Variants in PCDH15 observed in about 807,000 individuals in gnomAD.
PCDH15 encodes the protein protocadherin-15.
A neutral mutation model predicts 178.5 loss-of-function variants in PCDH15; 129 were observed. The observed-to-expected ratio is 0.72, with a 90% confidence interval of 0.63 to 0.84. The LOEUF (loss-of-function observed/expected upper bound fraction) is 0.84, where lower values mean the gene tolerates loss of function less well. PCDH15 is among the 40% of genes least tolerant of loss of function. The pLI, the probability that PCDH15 is intolerant of heterozygous loss-of-function variation, is 0.00. For missense variants in PCDH15, 2,230 were observed against 2,099.9 expected (o/e 1.06, Z -1.21); for synonymous variants, 800 against 732.0 (o/e 1.09, Z -1.50).
chr10:53,806,023 G>T lies in PCDH15; in HGVS notation c.*556C>A, dbSNP rs1218200177. The T allele has an allele frequency of 6.7e-6, 1 of 149,704 alleles. No individual in the cohort carries two copies. Among genetic ancestry groups the T allele is most frequent in the Non-Finnish European group, 1.5e-5 (1 of 68,398 alleles). The allele number at this position is 149,704 out of a possible 1,614,324, so 9.3% of individuals were successfully genotyped here. A position where few individuals can be genotyped will look rare whatever the true frequency, so the allele number is the denominator to read the frequency against. On this transcript the variant is annotated 3_prime_UTR_variant, in exon 38 of 38. Coordinates refer to ENST00000644397, the MANE Select transcript of PCDH15 (RefSeq NM_001384140.1). The stretch of plus-strand genomic sequence containing the variant: ...ACCTTTATACAGGACAATAAAGAAA[G>T]AAAACAAGCTCATGATTTAAAATAA...
At chr10:55,256,751 C>T (rs569920121) in intron 1 of PCDH15, among the ~76,000 whole-genome samples, 46 of 152,304 alleles carry the variant, frequency 3.0e-4, no homozygotes, top group African/African-American at 9.1e-4. Flanking sequence ...TGGAGCCCAC[C>T]GCAGCTCAAG....
At chr10:54,244,628 A>G (rs759802857) in intron 8 of PCDH15, among the ~76,000 whole-genome samples, 20 of 152,222 alleles carry the variant, frequency 1.3e-4, no homozygotes, top group Non-Finnish European at 2.1e-4. Flanking sequence ...TAAGGAGGAT[A>G]CATAGATCAC....
At chr10:54,209,290 C>T (rs567427641) in intron 10 of PCDH15, among the ~76,000 whole-genome samples, 43 of 152,132 alleles carry the variant, frequency 2.8e-4, no homozygotes, top group African/African-American at 9.9e-4. Flanking sequence ...TTTAGCGATA[C>T]TCTGTTGGCA....
intron 2 of PCDH15, among the ~76,000 whole-genome samples, chr10:55,031,977 A>C (rs553738077): frequency 6.6e-5 from 10 of 152,310 alleles, no homozygotes; most frequent in African/African-American, 2.4e-4. Context: ...TGTGGAAGCA[A>C]GCTTTGGAAC....
At chr10:54,092,042 CTCCTT>C (rs1565236035) in intron 15 of PCDH15, among the ~76,000 whole-genome samples, 3 of 152,136 alleles carry the variant, frequency 2.0e-5, no homozygotes, top group African/African-American at 7.2e-5. Context: ...AAATCTAGAT[CTCCTT>C]TCCATCTTGA....
At chr10:55,599,769 C>T in intron 2 of PCDH15, 1 of 425,818 alleles carries the variant, frequency 2.3e-6, no homozygotes, top group South Asian at 7.8e-5. Flanking sequence ...ATCTCTCTAC[C>T]AAAAACATCA....
chr10:54,001,503 TTAAA>T (rs2092133610), intron 20 of PCDH15, among the ~76,000 whole-genome samples: 1 of 152,052 alleles, frequency 6.6e-6, no homozygotes, highest in South Asian at 2.1e-4. Context: ...TGTTATCAGC[TTAAA>T]TAAAGGGTTG....
intron 26 of PCDH15, among the ~76,000 whole-genome samples, chr10:53,880,845 A>C (rs2080656615): frequency 6.6e-6 from 1 of 152,128 alleles, no homozygotes; most frequent in Admixed American, 6.5e-5. Flanking sequence ...TGGGACAATA[A>C]GATCTGTCTC....
intron 2 of PCDH15, among the ~76,000 whole-genome samples, chr10:55,148,172 T>C (rs1167096686): frequency 6.6e-6 from 1 of 151,902 alleles, no homozygotes; most frequent in African/African-American, 2.4e-5. Flanking sequence ...ATATCCCCTG[T>C]TTCTTGTACT....
At chr10:55,117,189 C>T (rs112014880) in intron 2 of PCDH15, among the ~76,000 whole-genome samples, 140 of 152,184 alleles carry the variant, frequency 9.2e-4, no homozygotes, top group African/African-American at 3.1e-3. Context: ...AAGAACCTAG[C>T]GATGGGTGAA....
intron 2 of PCDH15, among the ~76,000 whole-genome samples, chr10:55,504,313 AAT>A (rs1840716966): frequency 6.6e-6 from 1 of 151,460 alleles, no homozygotes; most frequent in Non-Finnish European, 1.5e-5. Context: ...TTTTGCTATA[AAT>A]CTAAAACTGC....
chr10:55,473,333 TAA>T (rs1255950499), intron 2 of PCDH15, among the ~76,000 whole-genome samples: 1 of 143,422 alleles, frequency 7.0e-6, no homozygotes, highest in Non-Finnish European at 1.5e-5. Flanking sequence ...ATAGGGTATA[TAA>T]AAAAAAAAAG....
intron 3 of PCDH15, among the ~76,000 whole-genome samples, chr10:54,448,738 A>C (rs1391220347): frequency 6.6e-6 from 1 of 151,752 alleles, no homozygotes; most frequent in East Asian, 1.9e-4. Flanking sequence ...GAACAGTAAT[A>C]ATCTTTTCAT....
intron 19 of PCDH15, among the ~76,000 whole-genome samples, chr10:54,021,012 A>T (rs2092904827): frequency 6.6e-6 from 1 of 152,078 alleles, no homozygotes; most frequent in Non-Finnish European, 1.5e-5. Flanking sequence ...AGTTACGCAC[A>T]AGGTGCTGTA....
chr10:54,465,516 T>C (rs1655565903), intron 3 of PCDH15, among the ~76,000 whole-genome samples: 1 of 152,076 alleles, frequency 6.6e-6, no homozygotes, highest in African/African-American at 2.4e-5. Context: ...GCCTGATTTA[T>C]TTCATGTAAC....
intron 20 of PCDH15, among the ~76,000 whole-genome samples, chr10:54,014,493 A>C (rs2660143): frequency 0.76 from 115,258 of 152,014 alleles, 43,928 homozygotes; most frequent in Middle Eastern, 0.86. Context: ...AATATCTTTG[A>C]TGAACACAGA....
intron 2 of PCDH15, among the ~76,000 whole-genome samples, chr10:55,112,122 T>C (rs1431066580): frequency 3.3e-5 from 5 of 152,164 alleles, no homozygotes; most frequent in Non-Finnish European, 7.4e-5. Context: ...ACTATTGATA[T>C]ATTTCATTGG....
chr10:54,874,207 G>A (rs537030066), intron 3 of PCDH15, among the ~76,000 whole-genome samples: 1 of 124,264 alleles, frequency 8.0e-6, no homozygotes, highest in Non-Finnish European at 1.6e-5. Context: ...CCACCTATGA[G>A]TGAGAATATG....
At chr10:54,020,129 AG>A in intron 20 of PCDH15, 62 bp downstream of exon 20, 1 of 1,397,930 alleles carries the variant, frequency 7.2e-7, no homozygotes, top group Non-Finnish European at 1.0e-6. Context: ...GTATAATAGA[AG>A]GAACAAAACC....
Sources: gnomAD v4.1 joint callset for allele counts (sites outside exome capture counted in the v4.1 genomes callset) on GRCh38, gnomAD v4.1.1 for gene constraint, MANE v1.5 for transcripts, NCBI Gene and HGNC (gene_info 2026-07-23, HGNC 2026-07-21) for gene names.